Variants in ZNRF3 observed in about 807,000 individuals in gnomAD.
ZNRF3 encodes E3 ubiquitin-protein ligase ZNRF3.
Under a neutral mutation model 72.5 loss-of-function variants are expected in ZNRF3, and 23 were observed. That is an observed-to-expected ratio of 0.32 (90% CI 0.23 to 0.45). The LOEUF is 0.45. Ranked by LOEUF, ZNRF3 falls within the 20% of genes least tolerant of loss-of-function variation. The probability of loss-of-function intolerance (pLI) is 1.00; values close to 1 mark genes in which losing one functional copy is unlikely to be tolerated. For synonymous variants in ZNRF3, 610 were observed against 545.3 expected, an observed-to-expected ratio of 1.12 and a Z score of -1.65; for missense variants, 1,169 against 1,272.1, an observed-to-expected ratio of 0.92 and a Z score of 1.23.
intron 2 of ZNRF3, among the ~76,000 whole-genome samples, chr22:29,041,471 C>G (rs1472074593): frequency 6.6e-6 from 1 of 152,166 alleles, no homozygotes; most frequent in Non-Finnish European, 1.5e-5. Flanking sequence ...GGAAAGGAAT[C>G]CTTCCCCCAC....
chr22:29,032,257 G>A (rs1054868554), intron 2 of ZNRF3, among the ~76,000 whole-genome samples: 1 of 152,218 alleles, frequency 6.6e-6, no homozygotes, highest in Admixed American at 6.5e-5. Context: ...CATCTGGCCA[G>A]CTTTCTTTTG....
chr22:29,014,558 C>T (rs2036401820), intron 2 of ZNRF3, among the ~76,000 whole-genome samples: 1 of 152,192 alleles, frequency 6.6e-6, no homozygotes, highest in Non-Finnish European at 1.5e-5. Flanking sequence ...TAAAGGTAGC[C>T]TGGATGCAGT....
rs777449212 is a variant in ZNRF3 at position 29,042,543 on chromosome 22, T to A, written c.475T>A (p.Ser159Thr). The change falls in exon 3 of 9, where the codon TCT becomes ACT. Residue 159 changes from serine (S) to threonine (T), a missense_variant. Ser to Thr is a moderately conservative substitution (Grantham distance 58). Around this residue, in one of 2 missense-constraint regions of ZNRF3, gnomAD observed 386 missense variants for 540.7 expected, o/e 0.71. Transcript: ENST00000544604. The stretch of plus-strand genomic sequence containing the variant: ...AGCTACTGCAGTCATCTTTGATGTG[T>A]CTGAAAACCCAGAAGCTATTGATCA... The part of the protein sequence containing the change: ...RGATAVIFDV[S>T]ENPEAIDQLN... The A allele has an allele frequency of 6.2e-7, 1 of 1,613,708 alleles. No homozygotes were observed. The highest frequency in any genetic ancestry group is 2.2e-5 in the East Asian group (1 of 44,878).
At chr22:28,934,666 A>G (rs946077331) in intron 1 of ZNRF3, among the ~76,000 whole-genome samples, 2 of 151,976 alleles carry the variant, frequency 1.3e-5, no homozygotes, top group African/African-American at 4.8e-5. Context: ...AAAAGTACAA[A>G]TATTAGCCAG....
chr22:29,053,767 A>C lies in ZNRF3; in HGVS notation c.*145A>C. ...AAGAGAGCCCTCCTTGTCAACCCAA[A>C]ATGTGAGCCCCCTGTGGCAAAACCA... On this transcript the variant is annotated 3_prime_UTR_variant, in exon 9 of 9. Transcript: ENST00000544604. 1.3e-6 allele frequency: 1 copy of C among 740,854 alleles called. No homozygotes were observed. Among genetic ancestry groups the C allele is most frequent in the Non-Finnish European group, 2.1e-6 (1 of 469,782 alleles). The allele number at this position is 740,854 out of a possible 1,614,324, so 45.9% of individuals were successfully genotyped here.
chr22:28,999,334 CA>C (rs967959079), intron 2 of ZNRF3, among the ~76,000 whole-genome samples: 5 of 147,896 alleles, frequency 3.4e-5, no homozygotes, highest in South Asian at 2.2e-4. Context: ...ACTCTGTCTC[CA>C]AAAAAAAAGC....
intron 1 of ZNRF3, among the ~76,000 whole-genome samples, chr22:28,899,487 C>G (rs910900632): frequency 2.0e-5 from 3 of 152,126 alleles, no homozygotes; most frequent in Non-Finnish European, 4.4e-5. Flanking sequence ...ACCACGGTGA[C>G]TGGGGCATTG....
rs199737518 is a variant in ZNRF3, at chr22:29,050,915, C to G, written c.2734C>G (p.Gln912Glu). 3 of 1,545,722 alleles carry G rather than the reference C, an allele frequency of 1.9e-6. No individual in the cohort carries two copies. The African/African-American group carries it at 4.1e-5, about 21-fold the overall frequency. The change falls in exon 8 of 9, where the codon CAG (glutamine) becomes GAG (glutamate). Residue 912 changes from glutamine to glutamate, a missense_variant. Coordinates refer to ENST00000544604, the MANE Select transcript of ZNRF3 (RefSeq NM_001206998.2). The stretch of plus-strand genomic sequence containing the variant: ...CTTCCCTAGTGCCCTCCAGGACACT[C>G]AGGAGTCCAGCACCACTGCCACTGA... Reference protein sequence around the residue: ...ANFPSALQDTQESSTTATEAA... With the variant: ...ANFPSALQDTEESSTTATEAA...
At chr22:29,006,133 T>C (rs1026638008) in intron 2 of ZNRF3, among the ~76,000 whole-genome samples, 1 of 152,106 alleles carries the variant, frequency 6.6e-6, no homozygotes, top group Non-Finnish European at 1.5e-5. Flanking sequence ...GCCTTGGGCT[T>C]ATTGCACTAT....
intron 1 of ZNRF3, among the ~76,000 whole-genome samples, chr22:28,956,906 G>A (rs767016896): frequency 2.6e-4 from 40 of 152,196 alleles, no homozygotes; most frequent in Non-Finnish European, 5.0e-4. Context: ...CCAAAATGTA[G>A]CCACAGGGGT....
intron 1 of ZNRF3, among the ~76,000 whole-genome samples, chr22:28,914,093 T>C (rs972053793): frequency 2.6e-5 from 4 of 152,184 alleles, no homozygotes; most frequent in African/African-American, 9.7e-5. Flanking sequence ...AACTCCTTTT[T>C]CTCAAAGGAC....
intron 1 of ZNRF3, among the ~76,000 whole-genome samples, chr22:28,938,435 T>G (rs930374285): frequency 3.3e-5 from 5 of 152,234 alleles, no homozygotes; most frequent in African/African-American, 1.2e-4. Flanking sequence ...TGTGGAGTAC[T>G]TAGCGTATTC....
At chr22:29,026,960 G>A (rs1057049824) in intron 2 of ZNRF3, 1 of 152,230 alleles carries the variant, frequency 6.6e-6, no homozygotes, top group Non-Finnish European at 1.5e-5. Flanking sequence ...AGTAGCATAA[G>A]TGGGTTTCTT....
chr22:28,914,394 G>A (rs371880170), intron 1 of ZNRF3, among the ~76,000 whole-genome samples: 2 of 152,200 alleles, frequency 1.3e-5, no homozygotes, highest in African/African-American at 4.8e-5. Context: ...ACATAAGCGG[G>A]GCTGAGATAT....
intron 2 of ZNRF3, chr22:29,031,539 G>A: frequency 2.0e-6 from 2 of 978,136 alleles, no homozygotes; most frequent in Non-Finnish European, 2.4e-6. Context: ...ATGCTTCAGA[G>A]AACAGCAGCT....
chr22:28,892,383 G>C (rs1308342300), intron 1 of ZNRF3, among the ~76,000 whole-genome samples: 1 of 152,242 alleles, frequency 6.6e-6, no homozygotes. Context: ...ACCTGGGGGA[G>C]GGAATCGGGC....
intron 1 of ZNRF3, chr22:28,917,357 C>T: frequency 3.2e-6 from 3 of 949,868 alleles, no homozygotes; most frequent in Non-Finnish European, 3.8e-6. Context: ...TAACTGCCAA[C>T]TCCTCAGGAG....
chr22:29,020,120 C>A (rs1405503336), intron 2 of ZNRF3, among the ~76,000 whole-genome samples: 1 of 151,808 alleles, frequency 6.6e-6, no homozygotes, highest in East Asian at 1.9e-4. Flanking sequence ...TACTTTAAAT[C>A]ATCTCTGATT....
At chr22:29,034,121 C>T (rs948924830) in intron 2 of ZNRF3, among the ~76,000 whole-genome samples, 3 of 152,136 alleles carry the variant, frequency 2.0e-5, no homozygotes, top group African/African-American at 7.2e-5. Context: ...GGAGAGACCT[C>T]AGTGTCTTCA....
Sources: gnomAD v4.1 joint callset for allele counts (sites outside exome capture counted in the v4.1 genomes callset) on GRCh38, gnomAD v4.1.1 for gene constraint, gnomAD v4.1.1 regional missense constraint, MANE v1.5 for transcripts, NCBI Gene and HGNC (gene_info 2026-07-23, HGNC 2026-07-21) for gene names.